Variants in FILIP1 observed in about 807,000 individuals in gnomAD.
FILIP1 encodes the protein filamin A interacting protein 1.
FILIP1 carries 61 observed loss-of-function variants against 102.1 expected under a neutral mutation model. That is an observed-to-expected ratio of 0.60 (90% CI 0.49 to 0.74). The LOEUF is 0.74. Ranked by LOEUF, FILIP1 falls within the 30% of genes least tolerant of loss-of-function variation. The pLI is 0.00. For synonymous variants in FILIP1, 491 were observed against 526.9 expected, an observed-to-expected ratio of 0.93 and a Z score of 0.93; for missense variants, 1,314 against 1,441.2, an observed-to-expected ratio of 0.91 and a Z score of 1.43.
rs753370204 is a variant in FILIP1, at chr6:75,414,943, A to C, written c.30T>G (p.Ser10Arg). The C allele has an allele frequency of 1.2e-6, 2 of 1,613,772 alleles. No individual in the cohort carries two copies. The highest frequency in any genetic ancestry group is 1.1e-5 in the South Asian group (1 of 91,050). ...GACAGGAGATATGCCCATCAGATGCACTTTCACCACCTTGGTTTCGAGATC... is the reference window on the plus strand; with the variant it reads ...GACAGGAGATATGCCCATCAGATGCCCTTTCACCACCTTGGTTTCGAGATC... MRSRNQGGE[S>R]ASDGHISCPK... Residue 10 changes from serine to arginine, a missense_variant, in exon 2 of 6, where the codon AGT (serine) becomes AGG (arginine). Ser to Arg is a moderately radical substitution (Grantham distance 110, BLOSUM62 -1). This residue lies in a region of FILIP1 where 494 missense variants were observed against 511.2 expected (regional missense o/e 0.97). Transcript: ENST00000237172.
At chr6:75,324,876 G>T (rs1399763698) in intron 4 of FILIP1, among the ~76,000 whole-genome samples, 2 of 152,144 alleles carry the variant, frequency 1.3e-5, no homozygotes, top group Non-Finnish European at 2.9e-5. Context: ...GGGATAATTG[G>T]CAAGCCGCAT....
At chr6:75,392,989 A>C (rs1006887998) in intron 2 of FILIP1, among the ~76,000 whole-genome samples, 1 of 152,176 alleles carries the variant, frequency 6.6e-6, no homozygotes, top group Non-Finnish European at 1.5e-5. Context: ...GTCCAGTCTC[A>C]GGTATGTCTT....
At chr6:75,451,110 G>A (rs1206815137) in intron 1 of FILIP1, among the ~76,000 whole-genome samples, 2 of 151,862 alleles carry the variant, frequency 1.3e-5, no homozygotes, top group Admixed American at 1.3e-4. Flanking sequence ...ATTTCAAAAA[G>A]CAAGCCATTG....
downstream of FILIP1, among the ~76,000 whole-genome samples, chr6:75,306,338 A>G (rs1441622693): frequency 6.6e-6 from 1 of 152,212 alleles, no homozygotes. Flanking sequence ...AAGAAACACC[A>G]TAAGCATGAT....
intron 2 of FILIP1, among the ~76,000 whole-genome samples, chr6:75,395,857 T>G (rs542593321): frequency 6.6e-6 from 1 of 152,234 alleles, no homozygotes; most frequent in South Asian, 2.1e-4. Flanking sequence ...AAGCAAGTTA[T>G]TTTACGACAA....
At chr6:75,381,282 T>C (rs918929821) in intron 2 of FILIP1, among the ~76,000 whole-genome samples, 1 of 151,928 alleles carries the variant, frequency 6.6e-6, no homozygotes, top group Non-Finnish European at 1.5e-5. Flanking sequence ...CAAGATAGAG[T>C]GCAGTAGCTT....
intron 2 of FILIP1, among the ~76,000 whole-genome samples, chr6:75,366,294 T>C (rs1775330903): frequency 6.6e-6 from 1 of 152,236 alleles, no homozygotes; most frequent in African/African-American, 2.4e-5. Flanking sequence ...AAATGTAAAC[T>C]GTATCAAGTA....
intron 1 of FILIP1, among the ~76,000 whole-genome samples, chr6:75,463,394 A>G (rs922341133): frequency 3.3e-5 from 5 of 152,222 alleles, no homozygotes; most frequent in Admixed American, 2.0e-4. Flanking sequence ...AGTGGCGGTA[A>G]AACTAAAGAG....
At chr6:75,472,172 A>G (rs929877085) in intron 1 of FILIP1, among the ~76,000 whole-genome samples, 2 of 152,130 alleles carry the variant, frequency 1.3e-5, no homozygotes, top group Non-Finnish European at 2.9e-5. Flanking sequence ...AAGATACTGC[A>G]TGTCATACCA....
intron 3 of FILIP1, among the ~76,000 whole-genome samples, chr6:75,356,011 G>A (rs1020733548): frequency 3.9e-5 from 6 of 152,138 alleles, no homozygotes; most frequent in Admixed American, 3.9e-4. Flanking sequence ...CCCACCTCCT[G>A]TGTGACAATC....
chr6:75,369,182 T>G (rs1252974222), intron 2 of FILIP1, among the ~76,000 whole-genome samples: 1 of 152,168 alleles, frequency 6.6e-6, no homozygotes, highest in East Asian at 1.9e-4. Flanking sequence ...AGAATCATGG[T>G]CATTTCCAGC....
chr6:75,339,848 T>A (rs1414989533), intron 4 of FILIP1, among the ~76,000 whole-genome samples: 1 of 152,208 alleles, frequency 6.6e-6, no homozygotes, highest in East Asian at 1.9e-4. Flanking sequence ...CTCAGGAGAC[T>A]GAGGCAGGAG....
intron 3 of FILIP1, chr6:75,357,311 T>A (rs1296121149): frequency 6.6e-6 from 1 of 152,262 alleles, no homozygotes; most frequent in African/African-American, 2.4e-5. Context: ...AGTCATTACA[T>A]GGACATCTGG....
intron 2 of FILIP1, among the ~76,000 whole-genome samples, chr6:75,372,675 AAG>A (rs1243846620): frequency 1.7e-5 from 1 of 60,412 alleles, no homozygotes; most frequent in African/African-American, 9.8e-5. Flanking sequence ...GAAAGAAAGA[AAG>A]AAAGAAAGAG....
intron 6 of FILIP1, among the ~76,000 whole-genome samples, chr6:75,302,236 CTT>C (rs1318945003): frequency 2.0e-5 from 3 of 152,250 alleles, no homozygotes; most frequent in African/African-American, 7.2e-5. Context: ...ATAGAAGTAA[CTT>C]TCACCACCCA....
At chr6:75,372,644 AG>A (rs1775568036) in intron 2 of FILIP1, among the ~76,000 whole-genome samples, 1 of 66,024 alleles carries the variant, frequency 1.5e-5, no homozygotes, top group Non-Finnish European at 2.9e-5. Context: ...AAAGAAAGAA[AG>A]AAAGAAAGAA....
intron 1 of FILIP1, among the ~76,000 whole-genome samples, chr6:75,465,957 A>T (rs561870679): frequency 6.6e-5 from 10 of 152,222 alleles, no homozygotes; most frequent in African/African-American, 2.4e-4. Flanking sequence ...TGCTCCAGCC[A>T]CGCCAGCCAT....
intron 3 of FILIP1, 56 bp from the exon 4 acceptor site, chr6:75,353,773 C>G: frequency 6.4e-7 from 1 of 1,562,862 alleles, no homozygotes; most frequent in Admixed American, 1.8e-5. Context: ...GCATAGGACT[C>G]TAAATAATTT....
At chr6:75,477,782 C>T (rs1779527027) in intron 1 of FILIP1, among the ~76,000 whole-genome samples, 1 of 151,932 alleles carries the variant, frequency 6.6e-6, no homozygotes, top group Non-Finnish European at 1.5e-5. Context: ...GAAACAATTC[C>T]CACAAGTCAC....
Sources: gnomAD v4.1 joint callset for allele counts (sites outside exome capture counted in the v4.1 genomes callset) on GRCh38, gnomAD v4.1.1 for gene constraint, gnomAD v4.1.1 regional missense constraint, MANE v1.5 for transcripts, NCBI Gene and HGNC (gene_info 2026-07-23, HGNC 2026-07-21) for gene names.